Variants in BAZ1A observed in about 807,000 individuals in gnomAD.
BAZ1A encodes bromodomain adjacent to zinc finger domain 1A.
BAZ1A carries 50 observed loss-of-function variants against 185.2 expected under a neutral mutation model. The observed-to-expected ratio is 0.27, with a 90% CI of 0.22 to 0.34. The LOEUF (loss-of-function observed/expected upper bound fraction) is 0.34. BAZ1A is among the 10% of genes least tolerant of loss of function. BAZ1A has a pLI of 1.00. For synonymous variants in BAZ1A, 571 were observed against 615.6 expected (o/e 0.93, Z 1.07); for missense variants, 1,356 against 1,839.9 (o/e 0.74, Z 4.81).
rs779522851 is a variant in BAZ1A, at chr14:34,762,192, A to G, written c.3808T>C (p.Leu1270=). Residue 1270 remains leucine, a synonymous_variant, in exon 24 of 27, where the codon TTG becomes CTG. Transcript: ENST00000360310. ...AGTTTCCCTCTTGTTTTAACTGGCAATCTAACTTGTGGTCTTCCTCGTTTG... is the reference window on the plus strand; with the variant it reads ...AGTTTCCCTCTTGTTTTAACTGGCAGTCTAACTTGTGGTCTTCCTCGTTTG... ...LPKRGRPQVR[L]PVKTRGKLSS... 3.7e-5 allele frequency: 60 copies of G among 1,614,184 alleles called. No individual in the cohort carries two copies. The highest frequency in any genetic ancestry group is 4.2e-5 in the Non-Finnish European group (50 of 1,180,022).
intron 16 of BAZ1A, among the ~76,000 whole-genome samples, chr14:34,782,583 G>A (rs1034422964): frequency 2.1e-4 from 32 of 151,926 alleles, no homozygotes; most frequent in African/African-American, 7.5e-4. Flanking sequence ...CTTCTACTGC[G>A]AGTTTGTGAC....
Position 34,800,218 on chromosome 14 carries a change from G to T in BAZ1A, c.1128+6C>A. 1 of 1,391,410 alleles carries T rather than the reference G, an allele frequency of 7.2e-7. No homozygotes were observed. Among genetic ancestry groups the T allele is most frequent in the South Asian group, 1.3e-5 (1 of 74,188 alleles). 86.2% of individuals were successfully genotyped at this position (1,391,410 alleles called of 1,614,324 possible). ...GAGAGTATAGCTAATATACTCAAATGAATACCTTTTCTCTTTCTACTTTAA... is the reference window on the plus strand; with the variant it reads ...GAGAGTATAGCTAATATACTCAAATTAATACCTTTTCTCTTTCTACTTTAA... On this transcript the variant is annotated splice_donor_region_variant and intron_variant, in intron 9 of 26. Transcript: ENST00000360310.
chr14:34,770,236 C>T (rs1292073566), intron 21 of BAZ1A, among the ~76,000 whole-genome samples: 1 of 152,194 alleles, frequency 6.6e-6, no homozygotes, highest in Non-Finnish European at 1.5e-5. Flanking sequence ...TCACTGCATC[C>T]TCTGCCTCCC....
At chr14:34,848,974 A>G (rs935388324) in intron 3 of BAZ1A, among the ~76,000 whole-genome samples, 4 of 152,210 alleles carry the variant, frequency 2.6e-5, no homozygotes, top group African/African-American at 9.7e-5. Flanking sequence ...TTTTAGGAAC[A>G]GTTTAACCAG....
In BAZ1A at chr14:34,805,749, C is replaced by A. The variant is rs536053181; in HGVS notation, c.726+1702G>T. ...TTTTCAAGTTTTTATATTTCATCCA[C>A]GGTGAATTTTAGTCATATCTATTTG... On this transcript the variant is annotated intron_variant, in intron 6 of 26. Transcript: ENST00000360310. 1.4e-4 allele frequency among the ~76,000 whole-genome samples: 22 copies of A among 152,268 alleles called. No individual in the cohort carries two copies. The South Asian group carries it at 4.1e-3, about 29-fold the overall frequency.
intron 20 of BAZ1A, among the ~76,000 whole-genome samples, chr14:34,772,474 A>G (rs1879289394): frequency 6.6e-6 from 1 of 152,204 alleles, no homozygotes; most frequent in Non-Finnish European, 1.5e-5. Flanking sequence ...TCTAGTAAAT[A>G]TAATGCTAGC....
intron 4 of BAZ1A, among the ~76,000 whole-genome samples, chr14:34,820,122 G>GTTTTTTTTTTTTTTTT (rs59706713): frequency 2.5e-5 from 2 of 80,662 alleles, no homozygotes; most frequent in Non-Finnish European, 4.5e-5. Flanking sequence ...TGGGTTCCTC[G>GTTTTTTTTTTTTTTTT]TTTTTTTTTT....
chr14:34,763,268 C>T (rs1352936168), intron 23 of BAZ1A, among the ~76,000 whole-genome samples: 1 of 152,088 alleles, frequency 6.6e-6, no homozygotes, highest in African/African-American at 2.4e-5. Context: ...GAAGATGGCT[C>T]TTCTAGCTGG....
At chr14:34,847,310 G>C (rs2042530193) in intron 3 of BAZ1A, among the ~76,000 whole-genome samples, 1 of 151,202 alleles carries the variant, frequency 6.6e-6, no homozygotes, top group Non-Finnish European at 1.5e-5. Flanking sequence ...TGTTGCTTAA[G>C]ACTTTTTTGT....
At chr14:34,765,289 G>A (rs746343548) in intron 21 of BAZ1A, 21 bp from the exon 22 acceptor site, 65 of 1,606,042 alleles carry the variant, frequency 4.0e-5, no homozygotes, top group Non-Finnish European at 5.4e-5. Context: ...AAGGGAAAGT[G>A]ATTACAATTT....
intron 14 of BAZ1A, among the ~76,000 whole-genome samples, chr14:34,785,267 A>C (rs4981250): frequency 0.3 from 45,103 of 152,144 alleles, 6,946 homozygotes; most frequent in Admixed American, 0.39. Context: ...AGACTGCACA[A>C]AAAAACCACC....
intron 3 of BAZ1A, among the ~76,000 whole-genome samples, chr14:34,826,546 T>C (rs2042168144): frequency 6.6e-6 from 1 of 152,198 alleles, no homozygotes; most frequent in Non-Finnish European, 1.5e-5. Context: ...ATCCCATAAA[T>C]TTTGGTATAT....
chr14:34,787,074 G>T (rs1880506103), intron 12 of BAZ1A, among the ~76,000 whole-genome samples: 1 of 151,950 alleles, frequency 6.6e-6, no homozygotes, highest in African/African-American at 2.4e-5. Context: ...AATTTTCCAG[G>T]CCAAGTGCGG....
chr14:34,768,663 A>C (rs977955152), intron 21 of BAZ1A: 5 of 385,482 alleles, frequency 1.3e-5, no homozygotes, highest in East Asian at 1.5e-4. Context: ...ACAAAACATA[A>C]ATTTCTTTAA....
At chr14:34,787,833 A>G (rs1880581148) in intron 12 of BAZ1A, among the ~76,000 whole-genome samples, 1 of 152,266 alleles carries the variant, frequency 6.6e-6, no homozygotes, top group African/African-American at 2.4e-5. Flanking sequence ...GCATTATCAT[A>G]TCCAATTATT....
chr14:34,820,635 C>A (rs2042075942), intron 4 of BAZ1A, among the ~76,000 whole-genome samples: 1 of 152,100 alleles, frequency 6.6e-6, no homozygotes, highest in African/African-American at 2.4e-5. Context: ...TGTGTTATAT[C>A]TAAAAAATTA....
Position 34,827,457 on chromosome 14 carries a change from C to T in BAZ1A, c.393-1301G>A, listed in dbSNP as rs573107903. ...AGTTAACTGTCTAGAAAGTCATTGCCGGGCGCGGTGGCTCACGCCTGTAAT... is the reference window on the plus strand; with the variant it reads ...AGTTAACTGTCTAGAAAGTCATTGCTGGGCGCGGTGGCTCACGCCTGTAAT... On this transcript the variant is annotated intron_variant, in intron 3 of 26. Coordinates refer to ENST00000360310, the MANE Select transcript of BAZ1A (RefSeq NM_013448.3). Among the ~76,000 whole-genome samples the T allele has an allele frequency of 4.0e-4, 61 of 152,250 alleles. 1 individual carries two copies. In the Middle Eastern group the frequency reaches 0.01, roughly 25 times the overall value.
In BAZ1A at chr14:34,764,770, C is replaced by A; in HGVS notation, c.3713G>T (p.Ser1238Ile). The A allele has an allele frequency of 6.2e-7, 1 of 1,609,956 alleles. No individual in the cohort carries two copies. The highest frequency in any genetic ancestry group is 8.5e-7 in the Non-Finnish European group (1 of 1,176,264). Residue 1238 changes from serine to isoleucine, a missense_variant, in exon 23 of 27, where the codon AGT becomes ATT. By Grantham distance (142) the Ser-to-Ile change is moderately radical. Around this residue, in one of 7 missense-constraint regions of BAZ1A, gnomAD observed 309 missense variants for 355.3 expected, o/e 0.87. Coordinates refer to ENST00000360310, the MANE Select transcript of BAZ1A (RefSeq NM_013448.3). ...TTCTACCTCATACTCTTCCTCCTCA[C>A]TTTGACCTTCTTCTTCATCGCCATC... ...EVDGDEEEGQ[S>I]EEEEYEVEQD...
chr14:34,794,701 A>T (rs764877446), intron 11 of BAZ1A, 48 bp downstream of exon 11: 4 of 1,564,988 alleles, frequency 2.6e-6, no homozygotes, highest in South Asian at 1.2e-5. Context: ...TAAAGCCACT[A>T]ATTTTAGGAT....
Sources: gnomAD v4.1 joint callset for allele counts (sites outside exome capture counted in the v4.1 genomes callset) on GRCh38, gnomAD v4.1.1 for gene constraint, gnomAD v4.1.1 regional missense constraint, MANE v1.5 for transcripts, NCBI Gene and HGNC (gene_info 2026-07-23, HGNC 2026-07-21) for gene names.